Variants in CACNA1E observed in about 807,000 individuals in gnomAD.
The protein encoded by CACNA1E is voltage-dependent R-type calcium channel subunit alpha-1E.
In CACNA1E, 40 loss-of-function variants were observed where a neutral mutation model predicts 259.2. The observed-to-expected ratio is 0.15, with a 90% CI of 0.12 to 0.20. The LOEUF (loss-of-function observed/expected upper bound fraction) is 0.20. Ranked by LOEUF, CACNA1E falls within the 10% of genes least tolerant of loss-of-function variation. CACNA1E has a pLI of 1.00. For synonymous variants in CACNA1E, 1,104 were observed against 1,138.5 expected (o/e 0.97, Z 0.61); for missense variants, 1,874 against 3,040.1 (o/e 0.62, Z 9.02).
rs866925985 is a variant in CACNA1E, at chr1:181,733,124, C to T, written c.2948+90C>T. 1.3e-5 allele frequency: 18 copies of T among 1,427,720 alleles called. No homozygotes were observed. In the Middle Eastern group the frequency reaches 7.5e-4, roughly 59 times the overall value. The allele number at this position is 1,427,720 out of a possible 1,614,324, so 88.4% of individuals were successfully genotyped here. A position where few individuals can be genotyped will look rare whatever the true frequency, so the allele number is the denominator to read the frequency against. ...AAGCCTTTCTGAGCTCCAGTTTCTT[C>T]TCCTATTATAAAATGGAAATGATGC... On this transcript the variant is annotated intron_variant, in intron 20 of 47. Coordinates refer to ENST00000367573, the MANE Select transcript of CACNA1E (RefSeq NM_001205293.3).
chr1:181,726,208 C>T, intron 18 of CACNA1E, 46 bp downstream of exon 18: 1 of 1,326,108 alleles, frequency 7.5e-7, no homozygotes, highest in South Asian at 1.2e-5. Flanking sequence ...CCTGTGCTAA[C>T]AGCCAATTCA....
chr1:181,470,041 C>CAGAGAGAGTG (rs1553255892), intron 2 of CACNA1E, among the ~76,000 whole-genome samples: 69 of 150,944 alleles, frequency 4.6e-4, no homozygotes, highest in Non-Finnish European at 7.4e-4. Context: ...AAAAGATTTA[C>CAGAGAGAGTG]AGAGAGAGAG....
intron 1 of CACNA1E, among the ~76,000 whole-genome samples, chr1:181,385,757 C>T (rs1458167136): frequency 6.6e-6 from 1 of 151,602 alleles, no homozygotes; most frequent in Non-Finnish European, 1.5e-5. Flanking sequence ...CCTCTTTCCT[C>T]CTCTCCTCTC....
At chr1:181,422,895 C>T (rs1018229561) in intron 2 of CACNA1E, among the ~76,000 whole-genome samples, 4 of 152,074 alleles carry the variant, frequency 2.6e-5, no homozygotes, top group African/African-American at 9.7e-5. Flanking sequence ...TGCCTAGCAA[C>T]ATGGCTTTCT....
At chr1:181,523,209 T>A (rs1321825506) in intron 3 of CACNA1E, among the ~76,000 whole-genome samples, 1 of 152,166 alleles carries the variant, frequency 6.6e-6, no homozygotes, top group Non-Finnish European at 1.5e-5. Flanking sequence ...TTTGACTAGC[T>A]AGTACTGCAA....
chr1:181,362,309 A>C (rs892851040), intron 1 of CACNA1E, among the ~76,000 whole-genome samples: 5 of 152,204 alleles, frequency 3.3e-5, no homozygotes, highest in African/African-American at 9.7e-5. Flanking sequence ...TAGGTGCAGA[A>C]ATGGAAGAAT....
chr1:181,718,149 C>T lies in CACNA1E; in HGVS notation c.1620C>T (p.Phe540=), dbSNP rs1394247968. 1 of 1,598,926 alleles carries T rather than the reference C, an allele frequency of 6.3e-7. No homozygotes were observed. Among genetic ancestry groups the T allele is most frequent in the East Asian group, 2.2e-5 (1 of 44,816 alleles). Residue 540 remains phenylalanine (F), a synonymous_variant, in exon 12 of 48, where the codon TTC becomes TTT. Coordinates refer to ENST00000367573, the MANE Select transcript of CACNA1E (RefSeq NM_001205293.3). Reference sequence around the variant, plus strand: ...CTCGCCTTTATTTTCACTCTTCATTCAACTGCTTTGATTTTGGGGTAAGTC... The same window carrying T: ...CTCGCCTTTATTTTCACTCTTCATTTAACTGCTTTGATTTTGGGGTAAGTC... The part of the protein sequence containing the change: ...MGPRLYFHSS[F]NCFDFGVTVG...
chr1:181,392,018 G>T lies in CACNA1E; in HGVS notation c.-14-21115G>T, dbSNP rs1248433163. On this transcript the variant is annotated intron_variant, in intron 1 of 11. Coordinates refer to the CACNA1E transcript ENST00000524607. Reference sequence around the variant, plus strand: ...CAGACCTCTTTTGGGCCAGGGATTGGTGAATGAGGAAGAGCCTCTCTTGGC... The same window carrying T: ...CAGACCTCTTTTGGGCCAGGGATTGTTGAATGAGGAAGAGCCTCTCTTGGC... Among the ~76,000 whole-genome samples, 3 of 151,704 alleles carry T rather than the reference G, an allele frequency of 2.0e-5. No homozygotes were observed. The East Asian group carries it at 5.8e-4, about 29-fold the overall frequency.
intron 19 of CACNA1E, among the ~76,000 whole-genome samples, chr1:181,731,575 C>T (rs1011546352): frequency 3.3e-5 from 5 of 152,090 alleles, no homozygotes; most frequent in East Asian, 1.9e-4. Context: ...TGGGTACATG[C>T]GCGTGTCCCC....
intron 3 of CACNA1E, among the ~76,000 whole-genome samples, chr1:181,559,615 G>A (rs752311138): frequency 5.9e-5 from 9 of 152,206 alleles, no homozygotes; most frequent in Non-Finnish European, 1.3e-4. Flanking sequence ...ATTATAAAGT[G>A]CTGCAATACA....
intron 2 of CACNA1E, among the ~76,000 whole-genome samples, chr1:181,458,677 C>T (rs1231740797): frequency 1.3e-5 from 2 of 152,190 alleles, no homozygotes; most frequent in African/African-American, 4.8e-5. Context: ...AATATAGAAA[C>T]TTTTGTATGG....
At chr1:181,671,913 C>T (rs1310704782) in intron 7 of CACNA1E, among the ~76,000 whole-genome samples, 1 of 152,152 alleles carries the variant, frequency 6.6e-6, no homozygotes, top group Non-Finnish European at 1.5e-5. Context: ...ATAAATCATT[C>T]TACTGTAAAG....
At chr1:181,396,201 T>C (rs1007375654) in intron 1 of CACNA1E, among the ~76,000 whole-genome samples, 5 of 152,216 alleles carry the variant, frequency 3.3e-5, no homozygotes, top group African/African-American at 1.2e-4. Context: ...GGAGACAGAC[T>C]GCAGGAGAGC....
intron 7 of CACNA1E, 38 bp downstream of exon 7, chr1:181,651,479 G>A: frequency 7.1e-7 from 1 of 1,413,996 alleles, no homozygotes. Flanking sequence ...CTCATTTGCT[G>A]ACTGCTAACT....
At chr1:181,326,888 T>C (rs1428179447) in intron 1 of CACNA1E, among the ~76,000 whole-genome samples, 1 of 152,140 alleles carries the variant, frequency 6.6e-6, no homozygotes, top group East Asian at 1.9e-4. Context: ...TGACTCTTGT[T>C]CCTCCCTTTT....
At chr1:181,448,955 A>T (rs1205885939) in intron 2 of CACNA1E, among the ~76,000 whole-genome samples, 1 of 152,236 alleles carries the variant, frequency 6.6e-6, no homozygotes, top group African/African-American at 2.4e-5. Context: ...CTGGCACAGA[A>T]CGGCCTGGAG....
In CACNA1E at chr1:181,726,059, G is replaced by A. The variant is rs369128858; in HGVS notation, c.2143-6G>A. On this transcript the variant is annotated splice_polypyrimidine_tract_variant and splice_region_variant and intron_variant, in intron 17 of 47. Coordinates refer to ENST00000367573, the MANE Select transcript of CACNA1E (RefSeq NM_001205293.3). ...CCAGGCAAAGCCATCTCTGCTTTGTGTCTAGGATGAACAGGAGGAAGAAGA... is the reference window on the plus strand; with the variant it reads ...CCAGGCAAAGCCATCTCTGCTTTGTATCTAGGATGAACAGGAGGAAGAAGA... 3.7e-6 allele frequency: 6 copies of A among 1,607,502 alleles called. No homozygotes were observed. In the African/African-American group the frequency reaches 6.7e-5, roughly 18 times the overall value.
chr1:181,448,529 C>T (rs1179562933), intron 2 of CACNA1E, among the ~76,000 whole-genome samples: 1 of 152,212 alleles, frequency 6.6e-6, no homozygotes, highest in Non-Finnish European at 1.5e-5. Flanking sequence ...GAAGTAATCA[C>T]TTATTTAAAT....
At chr1:181,792,051 A>C (rs1233334651) in intron 44 of CACNA1E, among the ~76,000 whole-genome samples, 2 of 151,958 alleles carry the variant, frequency 1.3e-5, no homozygotes, top group Non-Finnish European at 2.9e-5. Context: ...GGCAGGTAGG[A>C]ACTAGTAGAG....
Sources: allele counts gnomAD v4.1 joint callset (sites outside exome capture counted in the v4.1 genomes callset), GRCh38; gene constraint gnomAD v4.1.1; transcripts MANE v1.5; gene names NCBI Gene and HGNC (gene_info 2026-07-23, HGNC 2026-07-21).